The following ZFHX3 variants were observed in gnomAD, a reference collection of about 807,000 sequenced individuals.
The protein encoded by ZFHX3 is zinc finger homeobox protein 3.
ZFHX3 carries 42 observed loss-of-function variants against 279.1 expected under a neutral mutation model. The observed-to-expected ratio is 0.15, with a 90% CI of 0.12 to 0.19. The LOEUF is 0.19. Among genes scored for constraint, ZFHX3 ranks in the 10% least tolerant of loss-of-function variants. ZFHX3 has a pLI of 1.00. For synonymous variants in ZFHX3, 2,293 were observed against 1,957.8 expected (o/e 1.17, Z -4.52); for missense variants, 4,981 against 4,754.0 (o/e 1.05, Z -1.40).
intron 2 of ZFHX3, among the ~76,000 whole-genome samples, chr16:73,618,270 T>C (rs1479453754): frequency 4.6e-5 from 7 of 152,224 alleles, no homozygotes. Context: ...AACCCGCTGG[T>C]GATTCTCCAC....
At chr16:73,885,279 T>C (rs955968718) in intron 1 of ZFHX3, among the ~76,000 whole-genome samples, 76 of 152,330 alleles carry the variant, frequency 5.0e-4, no homozygotes, top group African/African-American at 1.6e-3. Context: ...TTCTCAGAAG[T>C]ATTTGCACAT....
At chr16:73,219,782 T>C (rs1282672945) in intron 5 of ZFHX3, among the ~76,000 whole-genome samples, 1 of 152,176 alleles carries the variant, frequency 6.6e-6, no homozygotes. Flanking sequence ...GGGCAAGACT[T>C]CTTTTGAAAA....
chr16:72,866,006 G>T (rs2038012773), intron 4 of ZFHX3, among the ~76,000 whole-genome samples: 1 of 152,320 alleles, frequency 6.6e-6, no homozygotes, highest in Non-Finnish European at 1.5e-5. Context: ...CACAAAGGAA[G>T]CGGGTGTACT....
At chr16:73,692,771 C>A (rs765845146) in intron 1 of ZFHX3, among the ~76,000 whole-genome samples, 1 of 152,152 alleles carries the variant, frequency 6.6e-6, no homozygotes, top group Non-Finnish European at 1.5e-5. Flanking sequence ...TGAAAATATG[C>A]CATCTCATTT....
chr16:72,803,692 C>A (rs190557471), intron 7 of ZFHX3, among the ~76,000 whole-genome samples: 16 of 152,156 alleles, frequency 1.1e-4, no homozygotes, highest in Non-Finnish European at 1.8e-4. Flanking sequence ...TTGAATGTAC[C>A]ATCCACATTG....
intron 1 of ZFHX3, among the ~76,000 whole-genome samples, chr16:73,030,890 T>G (rs936008910): frequency 6.6e-6 from 1 of 152,186 alleles, no homozygotes; most frequent in African/African-American, 2.4e-5. Context: ...CTGGGATTTT[T>G]GTTTTGTGTT....
At chr16:73,345,604 T>C (rs1433051438) in intron 3 of ZFHX3, among the ~76,000 whole-genome samples, 2 of 152,168 alleles carry the variant, frequency 1.3e-5, no homozygotes, top group Non-Finnish European at 2.9e-5. Context: ...TATTCCATGG[T>C]GTATATGTAC....
chr16:73,882,498 G>A (rs560093770), intron 1 of ZFHX3, among the ~76,000 whole-genome samples: 3 of 151,862 alleles, frequency 2.0e-5, no homozygotes, highest in South Asian at 2.1e-4. Context: ...CTTTAACCGC[G>A]GTTCTCCAGG....
At chr16:73,344,937 C>G (rs16971738) in intron 3 of ZFHX3, among the ~76,000 whole-genome samples, 6,405 of 152,238 alleles carry the variant, frequency 0.042, 273 homozygotes, top group South Asian at 0.1. Flanking sequence ...AGTTTTGACA[C>G]CTGCTTGTGA....
intron 4 of ZFHX3, among the ~76,000 whole-genome samples, chr16:72,837,964 C>T (rs1053497495): frequency 3.3e-5 from 5 of 152,120 alleles, no homozygotes; most frequent in African/African-American, 1.2e-4. Context: ...TTCTTTTTAC[C>T]ACTAGATGGT....
At chr16:73,740,831 T>A (rs775451542) in intron 1 of ZFHX3, among the ~76,000 whole-genome samples, 1 of 152,124 alleles carries the variant, frequency 6.6e-6, no homozygotes, top group Non-Finnish European at 1.5e-5. Flanking sequence ...CATTATGGAA[T>A]GCAAGAGAGT....
At chr16:73,197,924 G>GGTT (rs1968185031) in intron 5 of ZFHX3, among the ~76,000 whole-genome samples, 3 of 53,748 alleles carry the variant, frequency 5.6e-5, no homozygotes, top group Admixed American at 3.3e-4. Context: ...TGATTTGGTG[G>GGTT]TTTTTTTTTT....
chr16:73,777,655 A>G (rs1567407432), intron 1 of ZFHX3, among the ~76,000 whole-genome samples: 1 of 152,198 alleles, frequency 6.6e-6, no homozygotes, highest in Non-Finnish European at 1.5e-5. Context: ...ATCAATGATA[A>G]CAATGGCTGA....
intron 1 of ZFHX3, among the ~76,000 whole-genome samples, chr16:73,761,975 T>G (rs1254213908): frequency 6.6e-6 from 1 of 151,848 alleles, no homozygotes; most frequent in East Asian, 1.9e-4. Context: ...AAACCAAACT[T>G]GACAAATGGG....
chr16:72,965,590 T>C (rs1961798653), intron 1 of ZFHX3, among the ~76,000 whole-genome samples: 1 of 152,164 alleles, frequency 6.6e-6, no homozygotes, highest in Non-Finnish European at 1.5e-5. Flanking sequence ...ACAGAATCCA[T>C]GCTAAAAGGT....
rs1041691012 is a variant in ZFHX3, at chr16:73,530,030, C to T, written c.-1546-73772G>A. On this transcript the variant is annotated intron_variant, in intron 2 of 17. Coordinates refer to the ZFHX3 transcript ENST00000641206. ...TGGTTAACATATTAGCCTGTTTTCA[C>T]GCTGCTGATAGAGACATAGCTGAGA... is the stretch of plus-strand genomic sequence containing the variant. Among the ~76,000 whole-genome samples the T allele has an allele frequency of 5.9e-5, 9 of 152,110 alleles. 1 individual carries two copies. The highest frequency in any genetic ancestry group is 2.0e-4 in the Admixed American group (3 of 15,272).
intron 1 of ZFHX3, among the ~76,000 whole-genome samples, chr16:73,790,982 A>T (rs1452789823): frequency 3.3e-5 from 5 of 152,122 alleles, no homozygotes; most frequent in Non-Finnish European, 7.4e-5. Flanking sequence ...GTTGTATTTT[A>T]GAGACAGGGT....
Position 72,960,184 on chromosome 16 carries a change from G to A in ZFHX3, c.-39C>T, listed in dbSNP as rs1961506011. On this transcript the variant is annotated 5_prime_UTR_variant, in exon 2 of 10. Transcript: ENST00000268489. ...TGGAGCTTTCATTGCACCCAGTACG[G>A]AGGCTCGGACCTGAAGGGCAGAGGC... 1 of 1,513,858 alleles carries A rather than the reference G, an allele frequency of 6.6e-7. No individual in the cohort carries two copies. Among genetic ancestry groups the A allele is most frequent in the East Asian group, 2.3e-5 (1 of 43,550 alleles). The allele number at this position is 1,513,858 out of a possible 1,614,324, so 93.8% of individuals were successfully genotyped here.
intron 5 of ZFHX3, among the ~76,000 whole-genome samples, chr16:73,183,103 G>A (rs767788313): frequency 1.3e-5 from 2 of 152,184 alleles, no homozygotes; most frequent in African/African-American, 4.8e-5. Flanking sequence ...TACTCGGGAG[G>A]CTGAGACAGG....
Sources: gnomAD v4.1 joint callset for allele counts (sites outside exome capture counted in the v4.1 genomes callset) on GRCh38, gnomAD v4.1.1 for gene constraint, MANE v1.5 for transcripts, NCBI Gene and HGNC (gene_info 2026-07-23, HGNC 2026-07-21) for gene names.